The following SGCD variants were observed in gnomAD, a reference collection of about 807,000 sequenced individuals.
SGCD encodes the protein delta-sarcoglycan.
Under a neutral mutation model 36.6 loss-of-function variants are expected in SGCD, and 18 were observed. The ratio of observed to expected loss-of-function variants is 0.49; its 90% CI spans 0.34 to 0.73. The LOEUF is 0.73. Ranked by LOEUF, SGCD falls within the 30% of genes least tolerant of loss-of-function variation. SGCD has a pLI of 0.01. For missense variants in SGCD, 387 were observed against 346.7 expected (o/e 1.12, Z -0.92); for synonymous variants, 133 against 130.6 (o/e 1.02, Z -0.12).
At chr5:155,782,026 CTTT>C in the SGCD span, among the ~76,000 whole-genome samples, 16 of 122,888 alleles carry the variant, frequency 1.3e-4, no homozygotes, top group Admixed American at 2.5e-4. Context: ...TTTTTCTTTT[CTTT>C]TTTTTTTTTT....
intron 1 of SGCD, among the ~76,000 whole-genome samples, chr5:156,053,983 T>C (rs2127581930): frequency 6.9e-6 from 1 of 145,600 alleles, no homozygotes; most frequent in African/African-American, 2.5e-5. Context: ...CATAACTTAA[T>C]GACTTCCCAA....
chr5:156,154,735 C>CT (rs1762909901), intron 3 of SGCD, among the ~76,000 whole-genome samples: 1 of 151,684 alleles, frequency 6.6e-6, no homozygotes, highest in Admixed American at 6.6e-5. Context: ...CTAAGGCTGG[C>CT]TGGCTCTTAA....
chr5:156,580,055 T>C (rs958611728), intron 4 of SGCD, among the ~76,000 whole-genome samples: 2 of 152,214 alleles, frequency 1.3e-5, no homozygotes, highest in African/African-American at 4.8e-5. Context: ...CTGGTACAGG[T>C]TGTTCCTTTC....
At chr5:156,674,693 A>G (rs1254230891) in intron 7 of SGCD, among the ~76,000 whole-genome samples, 3 of 152,164 alleles carry the variant, frequency 2.0e-5, no homozygotes, top group Non-Finnish European at 4.4e-5. Context: ...TGCTGCTCAA[A>G]AATACAGTTA....
chr5:156,443,479 G>A (rs1561698659), intron 3 of SGCD, among the ~76,000 whole-genome samples: 1 of 152,106 alleles, frequency 6.6e-6, no homozygotes, highest in African/African-American at 2.4e-5. Flanking sequence ...TCTCACTATT[G>A]TCTGGGACTG....
At chr5:156,648,697 T>A (rs993480358) in intron 7 of SGCD, among the ~76,000 whole-genome samples, 11 of 152,190 alleles carry the variant, frequency 7.2e-5, no homozygotes, top group Non-Finnish European at 1.2e-4. Flanking sequence ...TTTACTAGCA[T>A]AACTATCTTC....
intron 3 of SGCD, among the ~76,000 whole-genome samples, chr5:156,266,262 A>T (rs1765997543): frequency 6.6e-6 from 1 of 152,198 alleles, no homozygotes; most frequent in Non-Finnish European, 1.5e-5. Context: ...TGTTTTTCTT[A>T]AAAAAATCAT....
At chr5:156,687,496 CATTATGTCACTGAACTGA>C (rs1200493847) in intron 7 of SGCD, among the ~76,000 whole-genome samples, 5 of 152,140 alleles carry the variant, frequency 3.3e-5, no homozygotes, top group Non-Finnish European at 7.4e-5. Flanking sequence ...CTTGTGTTGG[CATTATGTCACTGAACTGA>C]ATAGCTATCG....
chr5:156,047,011 C>T lies in SGCD; in HGVS notation c.-281-70867C>T, dbSNP rs551627542. 2.0e-5 allele frequency among the ~76,000 whole-genome samples: 3 copies of T among 152,234 alleles called. No homozygotes were observed. The South Asian group carries it at 6.2e-4, about 32-fold the overall frequency. On this transcript the variant is annotated intron_variant, in intron 1 of 9. Coordinates refer to the SGCD transcript ENST00000517913. The stretch of plus-strand genomic sequence containing the variant: ...AAAACAAAAAAAGAAAGTGAAACAG[C>T]ATCATTGCTGGTATGAAGAAAGTTT...
intron 7 of SGCD, among the ~76,000 whole-genome samples, chr5:156,675,600 G>C (rs1753475938): frequency 6.6e-6 from 1 of 152,148 alleles, no homozygotes. Context: ...GAGCCAAACT[G>C]TTGCTAAGGA....
At chr5:156,648,508 C>A (rs1240496953) in intron 7 of SGCD, among the ~76,000 whole-genome samples, 3 of 152,116 alleles carry the variant, frequency 2.0e-5, no homozygotes, top group African/African-American at 7.2e-5. Flanking sequence ...AAATGTATCA[C>A]CTCATTATAA....
intron 3 of SGCD, among the ~76,000 whole-genome samples, chr5:156,275,449 T>A (rs79593969): frequency 0.014 from 2,129 of 152,254 alleles, 23 homozygotes; most frequent in Non-Finnish European, 0.024. Flanking sequence ...GCTTAAAACA[T>A]AGAAACAACA....
chr5:156,606,178 G>C (rs1054897537), intron 6 of SGCD, among the ~76,000 whole-genome samples: 5 of 152,094 alleles, frequency 3.3e-5, no homozygotes, highest in African/African-American at 9.7e-5. Context: ...TATGGTTTTA[G>C]GTCTAACATT....
intron 4 of SGCD, among the ~76,000 whole-genome samples, chr5:156,568,787 G>C (rs1050929217): frequency 6.6e-6 from 1 of 152,210 alleles, no homozygotes; most frequent in Non-Finnish European, 1.5e-5. Context: ...TCAAGGATAA[G>C]GGAAATGCAT....
chr5:155,895,395 T>C (rs1343151922), intron 1 of SGCD, among the ~76,000 whole-genome samples: 2 of 152,208 alleles, frequency 1.3e-5, no homozygotes, highest in African/African-American at 2.4e-5. Context: ...ATGAATTTAA[T>C]GGAGTTCTTT....
intron 3 of SGCD, among the ~76,000 whole-genome samples, chr5:156,246,001 C>A (rs1040801355): frequency 6.6e-6 from 1 of 152,140 alleles, no homozygotes; most frequent in African/African-American, 2.4e-5. Context: ...ATACATACAA[C>A]CACAGTGACA....
intron 3 of SGCD, among the ~76,000 whole-genome samples, chr5:156,166,660 G>A (rs561765282): frequency 7.9e-5 from 12 of 152,240 alleles, no homozygotes; most frequent in Admixed American, 5.2e-4. Flanking sequence ...CATATTAGTC[G>A]TTCTGACTGA....
intron 1 of SGCD, among the ~76,000 whole-genome samples, chr5:155,941,775 C>T (rs944392412): frequency 2.0e-5 from 3 of 152,038 alleles, no homozygotes; most frequent in African/African-American, 4.8e-5. Flanking sequence ...CTCATTTAAT[C>T]CTTATAATAA....
the SGCD span, among the ~76,000 whole-genome samples, chr5:155,797,493 A>G: frequency 1.3e-5 from 2 of 152,244 alleles, no homozygotes; most frequent in Non-Finnish European, 2.9e-5. Flanking sequence ...TTTGTAGGAA[A>G]AAAGGCCAAT....
Sources: gnomAD v4.1 joint callset for allele counts (sites outside exome capture counted in the v4.1 genomes callset) on GRCh38, gnomAD v4.1.1 for gene constraint, MANE v1.5 for transcripts, NCBI Gene and HGNC (gene_info 2026-07-23, HGNC 2026-07-21) for gene names.